Variants in LHPP observed in about 807,000 individuals in gnomAD.
The protein encoded by LHPP is hLHPP.
LHPP carries 24 observed loss-of-function variants against 30.3 expected under a neutral mutation model. That is an observed-to-expected ratio of 0.79 (90% CI 0.57 to 1.11). The LOEUF is 1.11. Ranked by LOEUF, LHPP falls within the 50% of genes most tolerant of loss-of-function variation. The probability of loss-of-function intolerance (pLI) is 0.00; values close to 1 mark genes in which losing one functional copy is unlikely to be tolerated. For missense variants in LHPP, 356 were observed against 367.2 expected, an observed-to-expected ratio of 0.97 and a Z score of 0.25; for synonymous variants, 150 against 157.1, an observed-to-expected ratio of 0.95 and a Z score of 0.34.
chr10:124,530,367 C>T (rs1954864423), intron 6 of LHPP, among the ~76,000 whole-genome samples: 1 of 152,134 alleles, frequency 6.6e-6, no homozygotes, highest in Non-Finnish European at 1.5e-5. Flanking sequence ...GGCCGATGCA[C>T]GCACAGCTAC....
chr10:124,498,665 T>C (rs1341082472), intron 5 of LHPP: 92 of 339,284 alleles, frequency 2.7e-4, no homozygotes, highest in Middle Eastern at 1.6e-3. Context: ...TTTTTCTTTT[T>C]TTTTTTTTTT....
intron 6 of LHPP, among the ~76,000 whole-genome samples, chr10:124,611,420 T>TGA (rs2134023635): frequency 7.1e-6 from 1 of 141,182 alleles, no homozygotes; most frequent in African/African-American, 2.5e-5. Flanking sequence ...GAGAGGGATG[T>TGA]GAGGCTCGTG....
intron 1 of LHPP, among the ~76,000 whole-genome samples, chr10:124,475,247 C>T (rs1468691338): frequency 6.7e-6 from 1 of 148,962 alleles, no homozygotes; most frequent in East Asian, 2.2e-4. Context: ...GTTGGCCAGG[C>T]TGGTCTCAAA....
chr10:124,570,972 G>A (rs1164668461), intron 6 of LHPP, among the ~76,000 whole-genome samples: 1 of 152,166 alleles, frequency 6.6e-6, no homozygotes, highest in African/African-American at 2.4e-5. Context: ...AATCACGGGG[G>A]CAGGTCTTTC....
chr10:124,490,212 C>G (rs1346868665), intron 3 of LHPP: 15 of 182,980 alleles, frequency 8.2e-5, no homozygotes, highest in Admixed American at 2.5e-4. Flanking sequence ...GTGGGTGTCT[C>G]TGTTGGCTTC....
At chr10:124,572,647 T>TAAGAAAGGCAATAAAGGA (rs144204647) in intron 6 of LHPP, among the ~76,000 whole-genome samples, 1 of 146,214 alleles carries the variant, frequency 6.8e-6, no homozygotes, top group Non-Finnish European at 1.5e-5. Flanking sequence ...AGAAAGAAAG[T>TAAGAAAGGCAATAAAGGA]AAGAAAGGAA....
At chr10:124,544,703 T>C (rs59840866) in intron 6 of LHPP, among the ~76,000 whole-genome samples, 11,565 of 152,170 alleles carry the variant, frequency 0.076, 831 homozygotes, top group African/African-American at 0.19. Context: ...GCCGGCTGAG[T>C]GGCCGGGCCT....
At chr10:124,489,885 AC>A in intron 3 of LHPP, 1 of 194,724 alleles carries the variant, frequency 5.1e-6, no homozygotes, top group Non-Finnish European at 1.0e-5. Flanking sequence ...TCGGTTGCTG[AC>A]CCATTCCCAG....
intron 1 of LHPP, among the ~76,000 whole-genome samples, chr10:124,482,893 A>G (rs1420346322): frequency 6.6e-6 from 1 of 151,064 alleles, no homozygotes; most frequent in Non-Finnish European, 1.5e-5. Flanking sequence ...TCCTATTCCA[A>G]CCTCCTCCTA....
intron 6 of LHPP, chr10:124,605,162 C>A (rs1199965812): frequency 1.3e-5 from 2 of 152,358 alleles, no homozygotes; most frequent in Admixed American, 6.5e-5. Context: ...AGGCACAGAA[C>A]CGCCTTGTTT....
chr10:124,583,850 T>C (rs900118764), intron 6 of LHPP, among the ~76,000 whole-genome samples: 2 of 152,308 alleles, frequency 1.3e-5, no homozygotes, highest in African/African-American at 4.8e-5. Flanking sequence ...AAAGCAACCA[T>C]ACACACAAAG....
At chr10:124,488,671 G>A (rs994004040) in intron 3 of LHPP, 96 bp downstream of exon 3, 3 of 1,026,172 alleles carry the variant, frequency 2.9e-6, no homozygotes, top group African/African-American at 1.6e-5. Flanking sequence ...ATGCAGAAGG[G>A]GAGGTGGGAG....
At chr10:124,476,231 T>C (rs528725910) in intron 1 of LHPP, among the ~76,000 whole-genome samples, 1 of 152,294 alleles carries the variant, frequency 6.6e-6, no homozygotes, top group South Asian at 2.1e-4. Flanking sequence ...TGCGTCACTG[T>C]GTCTCTTCTC....
intron 6 of LHPP, among the ~76,000 whole-genome samples, chr10:124,595,164 A>C (rs1948927491): frequency 6.6e-6 from 1 of 152,154 alleles, no homozygotes. Context: ...CTTTGGAGTG[A>C]CTTCTCCTGC....
chr10:124,603,141 C>A (rs375458228), intron 6 of LHPP, among the ~76,000 whole-genome samples: 1 of 152,198 alleles, frequency 6.6e-6, no homozygotes, highest in Non-Finnish European at 1.5e-5. Context: ...TGCCTGCGGG[C>A]GGCAGCCTAG....
intron 3 of LHPP, among the ~76,000 whole-genome samples, chr10:124,491,073 G>A (rs569826491): frequency 6.0e-4 from 89 of 148,476 alleles, no homozygotes; most frequent in African/African-American, 1.8e-3. Context: ...GTTCTGCACA[G>A]CCTAGAGTTT....
intron 3 of LHPP, among the ~76,000 whole-genome samples, chr10:124,492,897 G>A (rs1304474162): frequency 2.6e-5 from 4 of 152,216 alleles, no homozygotes; most frequent in East Asian, 1.9e-4. Context: ...TTTCTTTAAA[G>A]ATGTCTCATG....
chr10:124,470,861 CAAGGG>C (rs1394535978), intron 1 of LHPP, among the ~76,000 whole-genome samples: 1 of 152,094 alleles, frequency 6.6e-6, no homozygotes, highest in Non-Finnish European at 1.5e-5. Context: ...GGACCTTGGA[CAAGGG>C]GTGTTTGTCG....
At chr10:124,567,206 C>T (rs887576397) in intron 6 of LHPP, among the ~76,000 whole-genome samples, 10 of 152,254 alleles carry the variant, frequency 6.6e-5, no homozygotes, top group African/African-American at 2.4e-4. Context: ...CAGGACCTGT[C>T]CCTGCAGTGG....
Sources: allele counts gnomAD v4.1 joint callset (sites outside exome capture counted in the v4.1 genomes callset), GRCh38; gene constraint gnomAD v4.1.1; transcripts MANE v1.5; gene names NCBI Gene and HGNC (gene_info 2026-07-23, HGNC 2026-07-21).